Variants in SLC14A2 observed in about 807,000 individuals in gnomAD.
SLC14A2 encodes the protein urea transporter 2.
In SLC14A2, 91 loss-of-function variants were observed where a neutral mutation model predicts 104.6. That is an observed-to-expected ratio of 0.87 (90% CI 0.73 to 1.04). SLC14A2 has a LOEUF of 1.04. Among genes scored for constraint, SLC14A2 ranks in the 50% least tolerant of loss-of-function variants. SLC14A2 has a pLI of 0.00. For missense variants in SLC14A2, 1,189 were observed against 1,156.0 expected (o/e 1.03, Z -0.41); for synonymous variants, 476 against 466.4 (o/e 1.02, Z -0.27).
intron 1 of SLC14A2, among the ~76,000 whole-genome samples, chr18:45,289,786 C>G (rs2084851428): frequency 6.6e-6 from 1 of 152,094 alleles, no homozygotes; most frequent in African/African-American, 2.4e-5. Flanking sequence ...ATAAGAAGTG[C>G]CAATGTGTCA....
At chr18:45,572,762 G>GT (rs2044366366) in intron 2 of SLC14A2, among the ~76,000 whole-genome samples, 1 of 152,214 alleles carries the variant, frequency 6.6e-6, no homozygotes, top group South Asian at 2.1e-4. Context: ...ATGGGCAAGT[G>GT]TGTGTGCATT....
intron 1 of SLC14A2, among the ~76,000 whole-genome samples, chr18:45,216,197 GT>G (rs1269444554): frequency 1.3e-5 from 2 of 152,266 alleles, no homozygotes; most frequent in East Asian, 3.9e-4. Flanking sequence ...TTTTAAAATA[GT>G]TTTTTAAGTG....
intron 1 of SLC14A2, among the ~76,000 whole-genome samples, chr18:45,368,057 G>C (rs2085684478): frequency 6.6e-6 from 1 of 152,018 alleles, no homozygotes; most frequent in East Asian, 1.9e-4. Flanking sequence ...CCTACTGTGG[G>C]GATCCAGGAG....
Position 45,497,095 on chromosome 18 carries a change from TTCTC to T in SLC14A2, c.-35+13777_-35+13780del, listed in dbSNP as rs1204522568. 7.9e-5 allele frequency among the ~76,000 whole-genome samples: 12 copies of T among 152,232 alleles called. No individual in the cohort carries two copies. In the East Asian group the frequency reaches 2.1e-3, roughly 27 times the overall value. ...TTGCCTTGTAATAGTGTGAAGCCCATTCTCTCTAATAAACTCCCATATATATGGG... is the reference window on the plus strand; with the variant it reads ...TTGCCTTGTAATAGTGTGAAGCCCATTCTAATAAACTCCCATATATATGGG... On this transcript the variant is annotated intron_variant, in intron 2 of 20. Transcript: ENST00000586448.
chr18:45,295,948 A>C (rs1302900265), intron 1 of SLC14A2, among the ~76,000 whole-genome samples: 1 of 152,110 alleles, frequency 6.6e-6, no homozygotes, highest in Non-Finnish European at 1.5e-5. Flanking sequence ...TACTATAAGG[A>C]AAGGAAGATT....
At chr18:45,280,967 C>G (rs534908688) in intron 1 of SLC14A2, among the ~76,000 whole-genome samples, 3 of 152,114 alleles carry the variant, frequency 2.0e-5, no homozygotes, top group Admixed American at 2.0e-4. Flanking sequence ...GCTTGTCAAT[C>G]TGTCACCGAG....
intron 2 of SLC14A2, among the ~76,000 whole-genome samples, chr18:45,569,920 T>TTGAC (rs1247621007): frequency 2.0e-5 from 3 of 152,176 alleles, no homozygotes; most frequent in African/African-American, 7.2e-5. Flanking sequence ...TCAAGAGAGT[T>TTGAC]TGACTAAAAG....
At chr18:45,205,711 C>T in the SLC14A2 span, among the ~76,000 whole-genome samples, 2 of 152,204 alleles carry the variant, frequency 1.3e-5, no homozygotes, top group African/African-American at 4.8e-5. Context: ...ATATTATAAA[C>T]TTGAAGATTC....
At chr18:45,421,018 C>T (rs2086340382) in intron 1 of SLC14A2, among the ~76,000 whole-genome samples, 1 of 152,122 alleles carries the variant, frequency 6.6e-6, no homozygotes, top group Non-Finnish European at 1.5e-5. Flanking sequence ...GGATTACAGA[C>T]ATGAGCCACC....
intron 2 of SLC14A2, among the ~76,000 whole-genome samples, chr18:45,596,631 G>T (rs1003922455): frequency 1.3e-5 from 2 of 152,210 alleles, no homozygotes; most frequent in Non-Finnish European, 2.9e-5. Context: ...TTGGGCAAAA[G>T]CTGAAGCTAT....
At chr18:45,186,670 A>C in the SLC14A2 span, among the ~76,000 whole-genome samples, 1 of 152,218 alleles carries the variant, frequency 6.6e-6, no homozygotes, top group Non-Finnish European at 1.5e-5. Context: ...CTGGAGAGAC[A>C]GAAGCATCCA....
intron 1 of SLC14A2, among the ~76,000 whole-genome samples, chr18:45,224,428 G>A (rs983786832): frequency 6.6e-6 from 1 of 152,206 alleles, no homozygotes; most frequent in Non-Finnish European, 1.5e-5. Flanking sequence ...CAAGAAGCAG[G>A]TCAGGGCAGA....
intron 1 of SLC14A2, among the ~76,000 whole-genome samples, chr18:45,342,703 A>G (rs2085408149): frequency 1.3e-5 from 2 of 152,222 alleles, no homozygotes; most frequent in African/African-American, 2.4e-5. Context: ...TCAACTATTC[A>G]AGACATACTT....
At chr18:45,292,397 C>G (rs1359080817) in intron 1 of SLC14A2, among the ~76,000 whole-genome samples, 1 of 152,224 alleles carries the variant, frequency 6.6e-6, no homozygotes, top group Non-Finnish European at 1.5e-5. Context: ...CTGCTTGACT[C>G]ATGGCAGTTG....
chr18:45,419,552 TCA>T (rs1272645210), intron 1 of SLC14A2, among the ~76,000 whole-genome samples: 2 of 152,196 alleles, frequency 1.3e-5, no homozygotes, highest in East Asian at 3.9e-4. Context: ...GGCAGGCGGA[TCA>T]CCTGAGGTCA....
intron 1 of SLC14A2, among the ~76,000 whole-genome samples, chr18:45,621,772 C>G (rs2045174863): frequency 6.6e-6 from 1 of 152,156 alleles, no homozygotes; most frequent in Non-Finnish European, 1.5e-5. Context: ...AGGAAAAATA[C>G]CTGGTCCCAT....
chr18:45,591,872 C>A (rs2044651374), intron 2 of SLC14A2, among the ~76,000 whole-genome samples: 1 of 152,180 alleles, frequency 6.6e-6, no homozygotes, highest in Non-Finnish European at 1.5e-5. Flanking sequence ...ATTTGCCACC[C>A]ATCAGTAGAG....
At chr18:45,544,346 A>G (rs1055631906) in intron 2 of SLC14A2, among the ~76,000 whole-genome samples, 45 of 152,300 alleles carry the variant, frequency 3.0e-4, no homozygotes, top group Middle Eastern at 6.8e-3. Flanking sequence ...TGCTTTGTCA[A>G]TTAGTGTATA....
intron 1 of SLC14A2, among the ~76,000 whole-genome samples, chr18:45,351,763 C>A (rs1468001743): frequency 6.6e-6 from 1 of 152,170 alleles, no homozygotes; most frequent in Non-Finnish European, 1.5e-5. Context: ...TGAGAGCTTA[C>A]AACCTACATG....
Sources: gnomAD v4.1 joint callset for allele counts (sites outside exome capture counted in the v4.1 genomes callset) on GRCh38, gnomAD v4.1.1 for gene constraint, MANE v1.5 for transcripts, NCBI Gene and HGNC (gene_info 2026-07-23, HGNC 2026-07-21) for gene names.